Variants in PPFIA2 observed in about 807,000 individuals in gnomAD.
PPFIA2 encodes the protein PPFI scaffold protein A2, also known as liprin-alpha-2.
A neutral mutation model predicts 175.5 loss-of-function variants in PPFIA2; 46 were observed. The observed-to-expected ratio is 0.26, with a 90% CI of 0.21 to 0.34. PPFIA2 has a LOEUF of 0.34. Among genes scored for constraint, PPFIA2 ranks in the 10% least tolerant of loss-of-function variants. PPFIA2 has a pLI of 1.00. For synonymous variants in PPFIA2, 568 were observed against 511.4 expected (o/e 1.11, Z -1.49); for missense variants, 1,179 against 1,506.1 (o/e 0.78, Z 3.60).
At chr12:81,637,297 T>C (rs911208686) in intron 4 of PPFIA2, among the ~76,000 whole-genome samples, 2 of 138,218 alleles carry the variant, frequency 1.4e-5, no homozygotes, top group African/African-American at 5.4e-5. Flanking sequence ...AGAGATGGGG[T>C]TTCTCTATGT....
intron 4 of PPFIA2, among the ~76,000 whole-genome samples, chr12:81,666,425 G>A (rs1596204628): frequency 6.6e-6 from 1 of 152,160 alleles, no homozygotes. Context: ...GGAATATTAT[G>A]CAGCCATAAA....
chr12:81,741,238 G>T (rs2082282139), intron 3 of PPFIA2, among the ~76,000 whole-genome samples: 1 of 152,100 alleles, frequency 6.6e-6, no homozygotes, highest in South Asian at 2.1e-4. Flanking sequence ...ATTAATGCTG[G>T]TCTCATACAT....
chr12:81,312,308 G>A, intron 22 of PPFIA2: 1 of 794,114 alleles, frequency 1.3e-6, no homozygotes. Flanking sequence ...AGAAAGACAT[G>A]GTGCCATTTT....
intron 11 of PPFIA2, among the ~76,000 whole-genome samples, chr12:81,370,933 G>T (rs1049185394): frequency 4.6e-5 from 7 of 151,748 alleles, no homozygotes; most frequent in Non-Finnish European, 1.0e-4. Context: ...TGCCAATATA[G>T]AACTATATAT....
intron 4 of PPFIA2, among the ~76,000 whole-genome samples, chr12:81,662,192 CTAAGA>C (rs1471264602): frequency 6.6e-6 from 1 of 152,014 alleles, no homozygotes; most frequent in Non-Finnish European, 1.5e-5. Flanking sequence ...CAAGAAATAA[CTAAGA>C]TAAGAGCAGA....
chr12:81,354,997 A>C (rs898204869), intron 16 of PPFIA2, among the ~76,000 whole-genome samples: 14 of 152,164 alleles, frequency 9.2e-5, no homozygotes, highest in Non-Finnish European at 1.5e-4. Flanking sequence ...AATGGCGCCT[A>C]GAATGATGAA....
At chr12:81,420,167 A>T (rs2143664836) in intron 7 of PPFIA2, among the ~76,000 whole-genome samples, 1 of 152,254 alleles carries the variant, frequency 6.6e-6, no homozygotes, top group East Asian at 1.9e-4. Context: ...GTGGCTTCAT[A>T]CCTTCCCATA....
chr12:81,388,840 T>C (rs1053743527), intron 8 of PPFIA2, among the ~76,000 whole-genome samples: 2 of 151,952 alleles, frequency 1.3e-5, no homozygotes, highest in South Asian at 4.1e-4. Flanking sequence ...GTTCAGTTAA[T>C]TTACGCTTTA....
chr12:81,397,358 A>G (rs1426890721), intron 8 of PPFIA2, among the ~76,000 whole-genome samples: 1 of 152,058 alleles, frequency 6.6e-6, no homozygotes, highest in Admixed American at 6.6e-5. Context: ...TTCAGAAGTC[A>G]GAGGGAGGAA....
chr12:81,388,450 C>T (rs912474101), intron 8 of PPFIA2, among the ~76,000 whole-genome samples: 2 of 151,910 alleles, frequency 1.3e-5, no homozygotes, highest in Admixed American at 6.6e-5. Context: ...TCATCCTAAT[C>T]TATCATGGCA....
At chr12:81,726,584 T>G (rs181008150) in intron 3 of PPFIA2, among the ~76,000 whole-genome samples, 1 of 151,462 alleles carries the variant, frequency 6.6e-6, no homozygotes, top group Admixed American at 6.6e-5. Flanking sequence ...ACACCAGCTT[T>G]GCTTCTGAGA....
intron 4 of PPFIA2, among the ~76,000 whole-genome samples, chr12:81,591,881 G>A (rs972484036): frequency 6.6e-6 from 1 of 151,878 alleles, no homozygotes; most frequent in Non-Finnish European, 1.5e-5. Context: ...TCTCTACTGG[G>A]GAACCACCAT....
At chr12:81,484,705 T>C (rs1048724143) in intron 4 of PPFIA2, among the ~76,000 whole-genome samples, 3 of 151,926 alleles carry the variant, frequency 2.0e-5, no homozygotes, top group Non-Finnish European at 4.4e-5. Context: ...TCTCAGCTTT[T>C]AAATCTCTAC....
intron 4 of PPFIA2, among the ~76,000 whole-genome samples, chr12:81,614,055 T>C (rs564403319): frequency 3.9e-5 from 6 of 152,130 alleles, no homozygotes; most frequent in Non-Finnish European, 8.8e-5. Flanking sequence ...CTATATTATT[T>C]CTATGAATTC....
intron 4 of PPFIA2, among the ~76,000 whole-genome samples, chr12:81,554,342 C>A (rs968134343): frequency 1.3e-4 from 19 of 151,972 alleles, no homozygotes. Context: ...GATAATGGTG[C>A]TTCTCTTGGA....
At chr12:81,338,270 T>C (rs187781157) in intron 21 of PPFIA2, among the ~76,000 whole-genome samples, 87 of 152,230 alleles carry the variant, frequency 5.7e-4, no homozygotes, top group African/African-American at 2.0e-3. Flanking sequence ...CCACTGTAGG[T>C]AGGAGTTTAA....
intron 22 of PPFIA2, among the ~76,000 whole-genome samples, chr12:81,317,973 C>T (rs1163894675): frequency 1.3e-5 from 2 of 151,670 alleles, no homozygotes; most frequent in East Asian, 3.9e-4. Flanking sequence ...TGAACAATTC[C>T]CTTTCAAAGT....
At chr12:81,753,461 T>C (rs2084156872) in intron 3 of PPFIA2, among the ~76,000 whole-genome samples, 1 of 151,828 alleles carries the variant, frequency 6.6e-6, no homozygotes, top group Non-Finnish European at 1.5e-5. Flanking sequence ...AAAGTGTTTT[T>C]TTTTCCCAAG....
chr12:81,653,770 A>G (rs2067356495), intron 4 of PPFIA2, among the ~76,000 whole-genome samples: 1 of 152,092 alleles, frequency 6.6e-6, no homozygotes, highest in African/African-American at 2.4e-5. Context: ...CCTGATCTTC[A>G]GATGGTCCAT....
Sources: allele counts gnomAD v4.1 joint callset (sites outside exome capture counted in the v4.1 genomes callset), GRCh38; gene constraint gnomAD v4.1.1; transcripts MANE v1.5; gene names NCBI Gene and HGNC (gene_info 2026-07-23, HGNC 2026-07-21).